The following ADAM12 variants were observed in gnomAD, a reference collection of about 807,000 sequenced individuals.
ADAM12 encodes the protein disintegrin and metalloproteinase domain-containing protein 12.
A neutral mutation model predicts 106.4 loss-of-function variants in ADAM12; 70 were observed. The ratio of observed to expected loss-of-function variants is 0.66; its 90% CI spans 0.54 to 0.80. The LOEUF is 0.80. Among genes scored for constraint, ADAM12 ranks in the 30% least tolerant of loss-of-function variants. The probability of loss-of-function intolerance (pLI) is 0.00; values close to 1 mark genes in which losing one functional copy is unlikely to be tolerated. For missense variants in ADAM12, 1,010 were observed against 1,171.9 expected, an observed-to-expected ratio of 0.86 and a Z score of 2.02; for synonymous variants, 420 against 433.5, an observed-to-expected ratio of 0.97 and a Z score of 0.39.
At chr10:126,149,744 C>T (rs190130535) in intron 4 of ADAM12, among the ~76,000 whole-genome samples, 266 of 152,022 alleles carry the variant, frequency 1.7e-3, no homozygotes, top group African/African-American at 5.7e-3. Context: ...GACTCTTGGA[C>T]CTACACCAAT....
intron 8 of ADAM12, among the ~76,000 whole-genome samples, chr10:126,107,497 T>TA (rs1458390722): frequency 2.6e-5 from 4 of 152,194 alleles, no homozygotes; most frequent in South Asian, 2.1e-4. Context: ...TCTGAAAACT[T>TA]AGAGAATGCA....
At position 126,098,434 on chromosome 10, in the gene ADAM12, C is replaced by T; in HGVS notation, c.978G>A (p.Gln326=). 1 of 1,614,062 alleles carries T rather than the reference C, an allele frequency of 6.2e-7. No individual in the cohort carries two copies. The highest frequency in any genetic ancestry group is 8.5e-7 in the Non-Finnish European group (1 of 1,179,930). Residue 326 remains glutamine (Q), a synonymous_variant, in exon 10 of 23, where the codon CAG becomes CAA. Coordinates refer to ENST00000448723, the MANE Select transcript of ADAM12 (RefSeq NM_001288973.2). ...APIMSMCTAD[Q]SGGIVMDHSD... is the part of the protein sequence containing the mutation. ...GGCTTACCATGACAATTCCCCCAGA[C>T]TGGTCTGCCGTGCACATGCTCATGA...
At chr10:126,199,996 A>G (rs1490415224) in intron 3 of ADAM12, among the ~76,000 whole-genome samples, 1 of 152,366 alleles carries the variant, frequency 6.6e-6, no homozygotes, top group East Asian at 1.9e-4. Flanking sequence ...ACCTATGTAT[A>G]TAGTCCATCA....
intron 12 of ADAM12, among the ~76,000 whole-genome samples, chr10:126,071,109 C>T (rs1954980247): frequency 6.6e-6 from 1 of 152,192 alleles, no homozygotes; most frequent in South Asian, 2.1e-4. Context: ...TCTGGTAGCA[C>T]ACCTTATGAA....
At chr10:126,174,008 A>ATTTTT (rs200354475) in intron 3 of ADAM12, among the ~76,000 whole-genome samples, 1,225 of 90,430 alleles carry the variant, frequency 0.014, 290 homozygotes, top group African/African-American at 0.063. Context: ...TCTGTTGTTG[A>ATTTTT]TTTTTTTTTT....
intron 4 of ADAM12, among the ~76,000 whole-genome samples, chr10:126,142,995 T>C (rs570989721): frequency 6.6e-6 from 1 of 152,030 alleles, no homozygotes; most frequent in Admixed American, 6.5e-5. Flanking sequence ...TATGCATGTG[T>C]GTATATTGGT....
At chr10:126,230,754 A>C (rs1224045417) in intron 3 of ADAM12, among the ~76,000 whole-genome samples, 1 of 152,200 alleles carries the variant, frequency 6.6e-6, no homozygotes, top group African/African-American at 2.4e-5. Context: ...GTAAAAGCTC[A>C]TGATATATTC....
intron 9 of ADAM12, among the ~76,000 whole-genome samples, chr10:126,098,854 T>C (rs548737977): frequency 6.6e-6 from 1 of 152,336 alleles, no homozygotes; most frequent in South Asian, 2.1e-4. Context: ...GAATCACTGT[T>C]AACTAAAAGA....
At chr10:126,121,138 C>A (rs796790883) in intron 5 of ADAM12, among the ~76,000 whole-genome samples, 1,490 of 17,694 alleles carry the variant, frequency 0.084, 71 homozygotes, top group African/African-American at 0.23. Flanking sequence ...ATACTATATA[C>A]TATATATACT....
chr10:126,188,312 C>T (rs1310543646), intron 3 of ADAM12, among the ~76,000 whole-genome samples: 1 of 139,210 alleles, frequency 7.2e-6, no homozygotes, highest in Non-Finnish European at 1.5e-5. Context: ...ATGTGTACCA[C>T]TGGGTGTGCT....
In ADAM12 at chr10:126,053,778, T is replaced by A. The variant is rs1055107354; in HGVS notation, c.1610-4109A>T. On this transcript the variant is annotated intron_variant, in intron 14 of 22. Transcript: ENST00000448723. This position sits in a 1 kb window ranked among gnomAD's most constrained non-coding sequence, Gnocchi z 4.6. ...TCGAGTGCAATGGTGTGATCTCGGC[T>A]CACTGCAACCTCTGCCTCCCGGGTT... 6.6e-6 allele frequency among the ~76,000 whole-genome samples: 1 copy of A among 151,846 alleles called. No individual in the cohort carries two copies. Among genetic ancestry groups the A allele is most frequent in the Non-Finnish European group, 1.5e-5 (1 of 67,908 alleles).
chr10:126,217,799 C>A (rs1028234230), intron 3 of ADAM12, among the ~76,000 whole-genome samples: 2 of 151,638 alleles, frequency 1.3e-5, no homozygotes, highest in East Asian at 4.0e-4. Context: ...TATAGCGAAA[C>A]CTCATCTCTA....
intron 3 of ADAM12, among the ~76,000 whole-genome samples, chr10:126,253,871 C>T (rs1479202757): frequency 6.6e-6 from 1 of 152,192 alleles, no homozygotes; most frequent in Non-Finnish European, 1.5e-5. Context: ...GAGCCCTAAG[C>T]CCTCCCCGTT....
At position 126,248,752 on chromosome 10, in the gene ADAM12, C is replaced by T. The variant is rs567936002; in HGVS notation, c.260+30163G>A. Among the ~76,000 whole-genome samples the T allele has an allele frequency of 5.9e-5, 9 of 152,074 alleles. No homozygotes were observed. In the South Asian group the frequency reaches 1.9e-3, roughly 32 times the overall value. ...TGAGACAGAGTCTCTGTCGCCCAGG[C>T]TGAAGTGCAGTGGTGCGACCTTGGC... On this transcript the variant is annotated intron_variant, in intron 3 of 22. Transcript: ENST00000448723.
intron 16 of ADAM12, among the ~76,000 whole-genome samples, chr10:126,046,395 T>G (rs1954320379): frequency 6.6e-6 from 1 of 152,238 alleles, no homozygotes; most frequent in Non-Finnish European, 1.5e-5. Flanking sequence ...ATTTTATGGC[T>G]TTTAATATAA....
intron 21 of ADAM12, among the ~76,000 whole-genome samples, chr10:126,033,084 A>G (rs1263618484): frequency 1.3e-5 from 2 of 152,220 alleles, no homozygotes; most frequent in Non-Finnish European, 2.9e-5. Context: ...AGGATAGGAA[A>G]AGACAAGTCA....
intron 3 of ADAM12, among the ~76,000 whole-genome samples, chr10:126,207,090 T>C (rs1352387724): frequency 6.6e-6 from 1 of 152,212 alleles, no homozygotes; most frequent in African/African-American, 2.4e-5. Flanking sequence ...CCTCTTTCTT[T>C]TGTAAATTGT....
chr10:126,121,319 C>T (rs1222192800), intron 5 of ADAM12, among the ~76,000 whole-genome samples: 1 of 111,088 alleles, frequency 9.0e-6, no homozygotes, highest in Admixed American at 1.1e-4. Context: ...ATTATATATG[C>T]AATACATAAT....
At chr10:126,196,574 C>T (rs988932681) in intron 3 of ADAM12, among the ~76,000 whole-genome samples, 19 of 152,184 alleles carry the variant, frequency 1.2e-4, no homozygotes, top group African/African-American at 4.3e-4. Flanking sequence ...ACCTACTGGG[C>T]CCCTTCTATG....
Sources: gnomAD v4.1 joint callset for allele counts (sites outside exome capture counted in the v4.1 genomes callset) on GRCh38, gnomAD v4.1.1 for gene constraint, Gnocchi (gnomAD v3.1) non-coding constraint, MANE v1.5 for transcripts, NCBI Gene and HGNC (gene_info 2026-07-23, HGNC 2026-07-21) for gene names.